The following PIK3C2G variants were observed in gnomAD, a reference collection of about 807,000 sequenced individuals.
PIK3C2G encodes the protein phosphatidylinositol-4-phosphate 3-kinase catalytic subunit type 2 gamma.
Under a neutral mutation model 181.1 loss-of-function variants are expected in PIK3C2G, and 168 were observed. The observed-to-expected ratio is 0.93, with a 90% CI of 0.82 to 1.05. PIK3C2G has a LOEUF of 1.05. Ranked by LOEUF, PIK3C2G falls within the 50% of genes least tolerant of loss-of-function variation. The probability of loss-of-function intolerance (pLI) is 0.00; values close to 1 mark genes in which losing one functional copy is unlikely to be tolerated. For synonymous variants in PIK3C2G, 573 were observed against 592.2 expected (o/e 0.97, Z 0.47); for missense variants, 1,869 against 1,732.8 (o/e 1.08, Z -1.40).
chr12:18,644,753 C>T (rs962423070), intron 32 of PIK3C2G, among the ~76,000 whole-genome samples: 6 of 152,114 alleles, frequency 3.9e-5, no homozygotes, highest in African/African-American at 9.7e-5. Flanking sequence ...TCATGGTTAC[C>T]GCACTACACT....
intron 18 of PIK3C2G, among the ~76,000 whole-genome samples, chr12:18,462,343 A>G (rs1336882275): frequency 6.6e-6 from 1 of 152,200 alleles, no homozygotes. Flanking sequence ...AGAATAAAAA[A>G]CAACCCTTTT....
intron 13 of PIK3C2G, among the ~76,000 whole-genome samples, chr12:18,375,267 T>A (rs555900863): frequency 2.0e-5 from 3 of 152,210 alleles, no homozygotes; most frequent in Non-Finnish European, 4.4e-5. Flanking sequence ...CAGTTGGCAA[T>A]AAGGAACTTA....
At chr12:18,366,628 T>C (rs1941662455) in intron 12 of PIK3C2G, among the ~76,000 whole-genome samples, 1 of 152,130 alleles carries the variant, frequency 6.6e-6, no homozygotes, top group Non-Finnish European at 1.5e-5. Flanking sequence ...CTATTTCATA[T>C]ACAATAAAAC....
In PIK3C2G at chr12:18,356,376, G is replaced by A. The variant is rs1191644388; in HGVS notation, c.1626-6388G>A. Among the ~76,000 whole-genome samples the A allele has an allele frequency of 3.9e-5, 6 of 152,280 alleles. No homozygotes were observed. In the East Asian group the frequency reaches 1.2e-3, roughly 30 times the overall value. ...CAGGAGGGGGAACACGCCGGTGACTGGGTGTACGGGCCAGGACAAGTGCTT... is the reference window on the plus strand; with the variant it reads ...CAGGAGGGGGAACACGCCGGTGACTAGGTGTACGGGCCAGGACAAGTGCTT... On this transcript the variant is annotated intron_variant, in intron 11 of 32. Coordinates refer to ENST00000538779, the MANE Select transcript of PIK3C2G (RefSeq NM_001288772.2).
At chr12:18,385,188 A>G (rs1463248592) in intron 14 of PIK3C2G, among the ~76,000 whole-genome samples, 1 of 152,136 alleles carries the variant, frequency 6.6e-6, no homozygotes, top group Non-Finnish European at 1.5e-5. Flanking sequence ...GCATAATGAA[A>G]AGATTATACT....
Position 18,364,729 on chromosome 12 carries a change from C to T in PIK3C2G, c.1748+1843C>T, listed in dbSNP as rs1044949286. Among the ~76,000 whole-genome samples, 13 of 152,000 alleles carry T rather than the reference C, an allele frequency of 8.6e-5. No homozygotes were observed. In the South Asian group the frequency reaches 2.7e-3, roughly 32 times the overall value. On this transcript the variant is annotated intron_variant, in intron 12 of 32. Coordinates refer to ENST00000538779, the MANE Select transcript of PIK3C2G (RefSeq NM_001288772.2). Reference sequence around the variant, plus strand: ...CCTGGCCAACATGGTGAAACTTTGTCTCTACTAAAAATATAAAAATTAGCT... The same window carrying T: ...CCTGGCCAACATGGTGAAACTTTGTTTCTACTAAAAATATAAAAATTAGCT...
At chr12:18,465,221 A>T (rs1937729115) in intron 18 of PIK3C2G, among the ~76,000 whole-genome samples, 1 of 151,894 alleles carries the variant, frequency 6.6e-6, no homozygotes, top group South Asian at 2.1e-4. Context: ...CTTCCTTCTT[A>T]ATGAATTTAG....
chr12:18,586,187 A>C lies in PIK3C2G; in HGVS notation c.4012-8307A>C, dbSNP rs562842959. Among the ~76,000 whole-genome samples the C allele has an allele frequency of 3.3e-5, 5 of 152,296 alleles. No homozygotes were observed. In the East Asian group the frequency reaches 7.7e-4, roughly 24 times the overall value. ...CCCCAAAGCTAGCAGAAGAGTAACC[A>C]GATAAGAAATGACCAAGCAATATGA... On this transcript the variant is annotated intron_variant, in intron 29 of 32. Transcript: ENST00000538779.
At chr12:18,456,378 G>A (rs1947630560) in intron 18 of PIK3C2G, among the ~76,000 whole-genome samples, 2 of 151,894 alleles carry the variant, frequency 1.3e-5, no homozygotes, top group Non-Finnish European at 2.9e-5. Context: ...AAGAGAAAGA[G>A]AAAAGCTCTC....
chr12:18,663,251 A>C, the PIK3C2G span, among the ~76,000 whole-genome samples: 1 of 152,128 alleles, frequency 6.6e-6, no homozygotes, highest in Non-Finnish European at 1.5e-5. Flanking sequence ...AAGGAAATAA[A>C]AGACATCTAA....
intron 11 of PIK3C2G, among the ~76,000 whole-genome samples, chr12:18,353,327 C>G (rs765568581): frequency 2.1e-4 from 32 of 151,876 alleles, no homozygotes; most frequent in Non-Finnish European, 3.7e-4. Context: ...AAAAAAAAAG[C>G]CCAAGTTTTA....
chr12:18,414,244 A>C (rs914668406), intron 16 of PIK3C2G, among the ~76,000 whole-genome samples: 1 of 152,148 alleles, frequency 6.6e-6, no homozygotes, highest in South Asian at 2.1e-4. Context: ...ATATATATTC[A>C]TTAACTAGTT....
chr12:18,287,118 T>C (rs1949479049), intron 3 of PIK3C2G, among the ~76,000 whole-genome samples, 189 bp downstream of exon 3: 2 of 152,338 alleles, frequency 1.3e-5, no homozygotes, highest in South Asian at 2.1e-4. Context: ...TTGTTGTTTA[T>C]AGTCAAATAG....
At chr12:18,574,722 A>C (rs533419452) in intron 29 of PIK3C2G, among the ~76,000 whole-genome samples, 15 of 152,328 alleles carry the variant, frequency 9.8e-5, no homozygotes, top group African/African-American at 1.4e-4. Context: ...GCATTGTAAC[A>C]GTAGGAAAAC....
chr12:18,404,538 AG>A (rs1286611900), intron 16 of PIK3C2G, among the ~76,000 whole-genome samples: 1 of 152,200 alleles, frequency 6.6e-6, no homozygotes, highest in African/African-American at 2.4e-5. Flanking sequence ...AGTAAGGAAA[AG>A]TTCACAAAGA....
intron 16 of PIK3C2G, among the ~76,000 whole-genome samples, chr12:18,407,482 G>A (rs182480391): frequency 7.2e-5 from 11 of 152,008 alleles, no homozygotes; most frequent in South Asian, 4.1e-4. Context: ...TATTCAATAC[G>A]TGTATATTGA....
intron 5 of PIK3C2G, among the ~76,000 whole-genome samples, chr12:18,307,071 T>C (rs1283460160): frequency 6.7e-6 from 1 of 149,238 alleles, no homozygotes; most frequent in East Asian, 1.9e-4. Flanking sequence ...TTGAATGTTA[T>C]CTAGGATGCT....
the PIK3C2G span, chr12:18,692,790 G>C: frequency 1.3e-5 from 19 of 1,441,644 alleles, no homozygotes; most frequent in Non-Finnish European, 1.8e-5. Flanking sequence ...TGGTGGTCAT[G>C]GTCCTGGAGG....
intron 1 of PIK3C2G, among the ~76,000 whole-genome samples, chr12:18,255,889 T>C (rs906611586): frequency 6.6e-6 from 1 of 152,220 alleles, no homozygotes. Flanking sequence ...TCTTCTGCTA[T>C]GGCAGTGAAA....
Sources: allele counts gnomAD v4.1 joint callset (sites outside exome capture counted in the v4.1 genomes callset), GRCh38; gene constraint gnomAD v4.1.1; transcripts MANE v1.5; gene names NCBI Gene and HGNC (gene_info 2026-07-23, HGNC 2026-07-21).